CCDC7: variants seen among roughly 807,000 people sequenced by gnomAD.
CCDC7 encodes coiled-coil domain-containing protein 7.
In CCDC7, 183 loss-of-function variants were observed where a neutral mutation model predicts 196.9. The ratio of observed to expected loss-of-function variants is 0.93; its 90% confidence interval spans 0.82 to 1.05. The LOEUF (loss-of-function observed/expected upper bound fraction) is 1.05. Among genes scored for constraint, CCDC7 ranks in the 50% least tolerant of loss-of-function variants. The pLI is 0.00. For synonymous variants in CCDC7, 525 were observed against 484.6 expected (o/e 1.08, Z -1.10); for missense variants, 1,540 against 1,482.2 (o/e 1.04, Z -0.64).
intron 18 of CCDC7, among the ~76,000 whole-genome samples, chr10:32,605,444 G>A (rs1007428304): frequency 1.3e-5 from 2 of 152,162 alleles, no homozygotes; most frequent in South Asian, 2.1e-4. Context: ...GGAGGGCTCC[G>A]AAGAAGAACA....
intron 31 of CCDC7, among the ~76,000 whole-genome samples, chr10:32,820,437 A>G (rs1455449191): frequency 5.9e-5 from 9 of 152,192 alleles, no homozygotes; most frequent in African/African-American, 1.9e-4. Context: ...GCTACCAATG[A>G]CTTTCTTCAC....
chr10:32,753,202 A>C (rs2075923432), intron 28 of CCDC7, among the ~76,000 whole-genome samples: 1 of 152,166 alleles, frequency 6.6e-6, no homozygotes, highest in African/African-American at 2.4e-5. Flanking sequence ...GCTTCAAATT[A>C]AGAAACATAA....
chr10:32,762,081 CA>C, intron 28 of CCDC7, among the ~76,000 whole-genome samples: 1 of 152,084 alleles, frequency 6.6e-6, no homozygotes, highest in East Asian at 1.9e-4. Context: ...GCATCCTAAG[CA>C]CAGTGTCATA....
chr10:32,664,660 A>G (rs1044926188), intron 21 of CCDC7, among the ~76,000 whole-genome samples: 2 of 152,044 alleles, frequency 1.3e-5, no homozygotes, highest in Admixed American at 1.3e-4. Flanking sequence ...TATTATCACA[A>G]AAGACAAAAT....
intron 20 of CCDC7, among the ~76,000 whole-genome samples, chr10:32,656,171 T>G (rs1411885739): frequency 6.6e-6 from 1 of 152,206 alleles, no homozygotes; most frequent in East Asian, 1.9e-4. Flanking sequence ...TGTTTTATAT[T>G]TATTATGGCA....
At chr10:32,744,147 AAG>A (rs1491375731) in intron 28 of CCDC7, among the ~76,000 whole-genome samples, 3 of 151,854 alleles carry the variant, frequency 2.0e-5, no homozygotes, top group African/African-American at 7.3e-5. Context: ...TTTAAAAAAA[AAG>A]AAAAAAAAAA....
At position 32,672,634 on chromosome 10, in the gene CCDC7, A is replaced by T. The variant is rs142626361; in HGVS notation, c.2122+8473A>T. On this transcript the variant is annotated intron_variant, in intron 21 of 41. Coordinates refer to ENST00000639629, the Ensembl canonical transcript of CCDC7. ...GGCTCTTGGTTACCTCAGTAGAAAG[A>T]AATGGCAGTGTCCTGGGTGGATCAG... is the stretch of plus-strand genomic sequence containing the variant. 4.7e-4 allele frequency among the ~76,000 whole-genome samples: 72 copies of T among 152,268 alleles called. 1 individual carries two copies. The highest frequency in any genetic ancestry group is 1.7e-3 in the African/African-American group (70 of 41,560).
At chr10:32,881,919 C>T (rs1268671373), downstream of CCDC7, among the ~76,000 whole-genome samples, 1 of 152,096 alleles carries the variant, frequency 6.6e-6, no homozygotes, top group African/African-American at 2.4e-5. Context: ...AGGATCACGA[C>T]ACAAGTTCAT....
In CCDC7 at chr10:32,849,715, A is replaced by G. The variant is rs1046082677; in HGVS notation, c.3895+997A>G. On this transcript the variant is annotated intron_variant, in intron 39 of 41. Transcript: ENST00000639629. ...AGACTCCGTCTCAAAAAAAAAAAAA[A>G]AAAAAGAAAAGAAAAATAGAAAGCA... Among the ~76,000 whole-genome samples, 13 of 151,766 alleles carry G rather than the reference A, an allele frequency of 8.6e-5. No individual in the cohort carries two copies. The South Asian group carries it at 1.2e-3, about 15-fold the overall frequency.
chr10:32,565,776 T>C (rs533179661), intron 14 of CCDC7, among the ~76,000 whole-genome samples, 156 bp downstream of exon 15: 1 of 152,294 alleles, frequency 6.6e-6, no homozygotes, highest in South Asian at 2.1e-4. Context: ...GCATTAGGGG[T>C]ATATTAATAA....
intron 20 of CCDC7, among the ~76,000 whole-genome samples, chr10:32,647,370 G>A (rs778450468): frequency 6.6e-6 from 1 of 152,132 alleles, no homozygotes; most frequent in Non-Finnish European, 1.5e-5. Flanking sequence ...ACAGCCAGGT[G>A]TAGAAGCACG....
intron 28 of CCDC7, among the ~76,000 whole-genome samples, chr10:32,735,453 T>G (rs1218277789): frequency 2.0e-5 from 3 of 152,200 alleles, no homozygotes; most frequent in African/African-American, 7.2e-5. Flanking sequence ...TTGATTTAAT[T>G]TACAATTCCT....
intron 20 of CCDC7, among the ~76,000 whole-genome samples, chr10:32,655,269 G>A (rs1040549253): frequency 3.3e-5 from 5 of 152,062 alleles, no homozygotes; most frequent in African/African-American, 9.7e-5. Flanking sequence ...ATATTAACAT[G>A]CTAACTGTTA....
intron 8 of CCDC7, among the ~76,000 whole-genome samples, chr10:32,488,098 G>T (rs1204419684): frequency 6.6e-6 from 1 of 152,218 alleles, no homozygotes; most frequent in Non-Finnish European, 1.5e-5. Context: ...GTCTACAGAG[G>T]CAGACAGGCC....
intron 29 of CCDC7, among the ~76,000 whole-genome samples, chr10:32,797,421 C>G (rs890999043): frequency 6.6e-6 from 1 of 151,782 alleles, no homozygotes; most frequent in Non-Finnish European, 1.5e-5. Flanking sequence ...GAATGGAAAA[C>G]CAAGCATTGT....
intron 17 of CCDC7, among the ~76,000 whole-genome samples, chr10:32,583,571 A>AAT (rs151080348): frequency 0.062 from 9,386 of 152,150 alleles, 949 homozygotes; most frequent in African/African-American, 0.21. Context: ...GTAATATAAA[A>AAT]GATATGTCAT....
chr10:32,587,234 G>T (rs2947055), intron 18 of CCDC7, among the ~76,000 whole-genome samples: 140,481 of 152,200 alleles, frequency 0.92, 65,829 homozygotes, highest in East Asian at 1. Context: ...TCCTCCATTT[G>T]GGGTTGCTGT....
intron 24 of CCDC7, among the ~76,000 whole-genome samples, chr10:32,705,770 T>G (rs944646857): frequency 4.6e-5 from 7 of 152,146 alleles, no homozygotes; most frequent in Non-Finnish European, 1.0e-4. Context: ...AAAAGCTAAC[T>G]ATCCTAAATA....
At chr10:32,536,635 G>C (rs2050546108) in intron 11 of CCDC7, among the ~76,000 whole-genome samples, 2 of 152,090 alleles carry the variant, frequency 1.3e-5, no homozygotes, top group African/African-American at 4.8e-5. Flanking sequence ...GTACCAGATA[G>C]GTATTTTTTC....
Sources: allele counts gnomAD v4.1 joint callset (sites outside exome capture counted in the v4.1 genomes callset), GRCh38; gene constraint gnomAD v4.1.1; transcripts MANE v1.5; gene names NCBI Gene and HGNC (gene_info 2026-07-23, HGNC 2026-07-21).